RBKS: variants seen among roughly 807,000 people sequenced by gnomAD.
RBKS encodes ribokinase.
Under a neutral mutation model 33.9 loss-of-function variants are expected in RBKS, and 33 were observed. The observed-to-expected ratio is 0.97, with a 90% CI of 0.74 to 1.30. RBKS has a LOEUF of 1.30. Ranked by LOEUF, RBKS falls within the 50% of genes most tolerant of loss-of-function variation. The pLI is 0.00. For synonymous variants in RBKS, 125 were observed against 143.0 expected, an observed-to-expected ratio of 0.87 and a Z score of 0.90; for missense variants, 361 against 392.6, an observed-to-expected ratio of 0.92 and a Z score of 0.68.
At chr2:27,889,519 G>C (rs956732674) in intron 1 of RBKS, among the ~76,000 whole-genome samples, 1 of 151,932 alleles carries the variant, frequency 6.6e-6, no homozygotes, top group Non-Finnish European at 1.5e-5. Context: ...AATCAGAAAA[G>C]CTACCTTAAT....
rs1678542982 is a variant in RBKS, at chr2:27,837,155, T to C, written c.515-4378A>G. On this transcript the variant is annotated intron_variant, in intron 5 of 7. Transcript: ENST00000302188. This position sits in a 1 kb window ranked among gnomAD's most constrained non-coding sequence, Gnocchi z 4.0. ...CGGGCATGGTGGCAGGTGCCTGTAGTCCCAGCTACTCGGGAGGCTGAGGCA... is the reference window on the plus strand; with the variant it reads ...CGGGCATGGTGGCAGGTGCCTGTAGCCCCAGCTACTCGGGAGGCTGAGGCA... Among the ~76,000 whole-genome samples the C allele has an allele frequency of 6.6e-6, 1 of 151,948 alleles. No individual in the cohort carries two copies. The highest frequency in any genetic ancestry group is 2.4e-5 in the African/African-American group (1 of 41,260).
At chr2:27,789,941 G>GTATA (rs1169639270) in intron 7 of RBKS, among the ~76,000 whole-genome samples, 10 of 96,520 alleles carry the variant, frequency 1.0e-4, no homozygotes, top group Admixed American at 1.3e-4. Context: ...ATATATATAT[G>GTATA]TATATGTGTA....
intron 7 of RBKS, among the ~76,000 whole-genome samples, chr2:27,802,117 T>C (rs4632296): frequency 0.29 from 42,781 of 147,622 alleles, 7,013 homozygotes; most frequent in East Asian, 0.63. Flanking sequence ...GGATTATAGG[T>C]GTGAGCCACT....
chr2:27,890,271 C>T lies in RBKS; in HGVS notation c.75G>A (p.Met25Ile), dbSNP rs762050106. The change falls in exon 1 of 8, where the codon ATG becomes ATA. Residue 25 changes from methionine to isoleucine, a missense_variant. Met to Ile is a conservative substitution (Grantham distance 10). Coordinates refer to ENST00000302188, the MANE Select transcript of RBKS (RefSeq NM_022128.3). The surrounding 1 kb of genome is among the most constrained non-coding windows in gnomAD (Gnocchi z 4.8). ...VAAVVVVGSC[M>I]TDLVSLTSRL... Reference sequence around the variant, plus strand: ...CCCGGACTAACCTGACCAGGTCGGTCATGCAGGAGCCCACCACTACCACCG... The same window carrying T: ...CCCGGACTAACCTGACCAGGTCGGTTATGCAGGAGCCCACCACTACCACCG... The T allele has an allele frequency of 6.2e-7, 1 of 1,613,682 alleles. No individual in the cohort carries two copies. Among genetic ancestry groups the T allele is most frequent in the East Asian group, 2.2e-5 (1 of 44,880 alleles).
chr2:27,826,313 T>C (rs1678310499), intron 7 of RBKS, among the ~76,000 whole-genome samples: 1 of 152,290 alleles, frequency 6.6e-6, no homozygotes, highest in South Asian at 2.1e-4. Flanking sequence ...TTATGAATAA[T>C]TATCTGTTTC....
At chr2:27,788,496 G>A (rs1452141697) in intron 7 of RBKS, among the ~76,000 whole-genome samples, 1 of 152,150 alleles carries the variant, frequency 6.6e-6, no homozygotes. Context: ...ACAAGGTCAG[G>A]AGATCGAGAC....
chr2:27,815,838 G>A (rs769597019), intron 7 of RBKS, among the ~76,000 whole-genome samples: 4 of 152,224 alleles, frequency 2.6e-5, no homozygotes, highest in Non-Finnish European at 5.9e-5. Flanking sequence ...TAGGTCCACA[G>A]AACATTCTAA....
chr2:27,842,659 CT>C (rs200985638), intron 5 of RBKS, among the ~76,000 whole-genome samples: 369 of 142,616 alleles, frequency 2.6e-3, no homozygotes, highest in Middle Eastern at 7.2e-3. Context: ...TTCAGGAATT[CT>C]TTTTTTTTTT....
intron 5 of RBKS, among the ~76,000 whole-genome samples, chr2:27,833,746 G>A (rs909528286): frequency 4.6e-5 from 7 of 152,238 alleles, no homozygotes; most frequent in African/African-American, 1.7e-4. Context: ...TTGGGACTTC[G>A]TAAATGTAGA....
chr2:27,826,377 T>A (rs1431911123), intron 7 of RBKS, among the ~76,000 whole-genome samples: 1 of 152,122 alleles, frequency 6.6e-6, no homozygotes, highest in Non-Finnish European at 1.5e-5. Flanking sequence ...GTTTACTTAC[T>A]TTTCTAGTCA....
At chr2:27,834,676 A>G (rs1452758190) in intron 5 of RBKS, among the ~76,000 whole-genome samples, 1 of 152,134 alleles carries the variant, frequency 6.6e-6, no homozygotes, top group Non-Finnish European at 1.5e-5. Context: ...AGAACAATAT[A>G]CTGTTCCCAG....
At chr2:27,818,333 T>C (rs12478766) in intron 7 of RBKS, among the ~76,000 whole-genome samples, 41,016 of 152,050 alleles carry the variant, frequency 0.27, 6,488 homozygotes, top group East Asian at 0.63. Context: ...TGAAGATCTA[T>C]AGACAAGGAG....
intron 7 of RBKS, among the ~76,000 whole-genome samples, chr2:27,818,894 G>C (rs778952606): frequency 6.6e-5 from 10 of 152,158 alleles, no homozygotes; most frequent in Admixed American, 1.3e-4. Flanking sequence ...ATCAGGGTTA[G>C]AACTCAGGCC....
At chr2:27,870,504 G>A (rs1664182752) in intron 1 of RBKS, 1 of 221,642 alleles carries the variant, frequency 4.5e-6, no homozygotes, top group Non-Finnish European at 9.4e-6. Context: ...ACTTGTGTGT[G>A]TGAGAGAAGA....
intron 7 of RBKS, among the ~76,000 whole-genome samples, chr2:27,785,358 G>A (rs761436281): frequency 2.1e-4 from 32 of 152,104 alleles, no homozygotes; most frequent in Non-Finnish European, 3.7e-4. Context: ...CAGACTGCTA[G>A]GAAAAAGACA....
intron 2 of RBKS, among the ~76,000 whole-genome samples, chr2:27,856,921 C>T (rs1663869682): frequency 6.6e-6 from 1 of 152,158 alleles, no homozygotes; most frequent in Non-Finnish European, 1.5e-5. Context: ...ATTCCTGGAA[C>T]ATAATTAATT....
At chr2:27,798,404 T>G (rs1434272800) in intron 7 of RBKS, among the ~76,000 whole-genome samples, 1 of 152,158 alleles carries the variant, frequency 6.6e-6, no homozygotes, top group Non-Finnish European at 1.5e-5. Context: ...TCTTATCTTT[T>G]CAGCTTGTGG....
chr2:27,791,395 A>C (rs977514765), intron 7 of RBKS, among the ~76,000 whole-genome samples: 39 of 152,166 alleles, frequency 2.6e-4, no homozygotes, highest in African/African-American at 9.4e-4. Flanking sequence ...TAATCTGTTG[A>C]GGGCGTGGAT....
intron 1 of RBKS, among the ~76,000 whole-genome samples, chr2:27,878,858 G>T (rs1440003011): frequency 6.6e-6 from 1 of 152,118 alleles, no homozygotes; most frequent in Non-Finnish European, 1.5e-5. Flanking sequence ...CATATCCTTT[G>T]CCCACTTTTT....
Sources: gnomAD v4.1 joint callset for allele counts (sites outside exome capture counted in the v4.1 genomes callset) on GRCh38, gnomAD v4.1.1 for gene constraint, Gnocchi (gnomAD v3.1) non-coding constraint, MANE v1.5 for transcripts, NCBI Gene and HGNC (gene_info 2026-07-23, HGNC 2026-07-21) for gene names.